The following DNAH14 variants were observed in gnomAD, a reference collection of about 807,000 sequenced individuals.
DNAH14 encodes dynein axonemal heavy chain 14.
In DNAH14, 478 loss-of-function variants were observed where a neutral mutation model predicts 520.9. The ratio of observed to expected loss-of-function variants is 0.92; its 90% confidence interval spans 0.85 to 0.99. The LOEUF is 0.99. DNAH14 is among the 50% of genes least tolerant of loss of function. DNAH14 has a pLI of 0.00. For missense variants in DNAH14, 4,831 were observed against 5,234.5 expected (o/e 0.92, Z 2.38); for synonymous variants, 1,581 against 1,757.2 (o/e 0.90, Z 2.51).
intron 17 of DNAH14, among the ~76,000 whole-genome samples, chr1:225,074,393 C>T (rs1041650978): frequency 3.9e-5 from 6 of 152,226 alleles, no homozygotes; most frequent in Non-Finnish European, 8.8e-5. Flanking sequence ...TGAGGAGGAA[C>T]AGATACGGGA....
intron 75 of DNAH14, among the ~76,000 whole-genome samples, chr1:225,362,632 A>T (rs996577612): frequency 6.6e-5 from 10 of 152,002 alleles, no homozygotes; most frequent in African/African-American, 1.7e-4. Context: ...AACTAAAACC[A>T]TAGTGATCTA....
intron 8 of DNAH14, among the ~76,000 whole-genome samples, chr1:224,977,700 C>T (rs945013282): frequency 1.3e-5 from 2 of 152,142 alleles, no homozygotes; most frequent in African/African-American, 2.4e-5. Flanking sequence ...GCTGTATCTG[C>T]GCAGCAAAGG....
At position 225,335,379 on chromosome 1, in the gene DNAH14, A is replaced by ACATATACACGTGTGTACATGTGTGTG. The variant is rs1558428129; in HGVS notation, c.10080+1873_10080+1874insCATATACACGTGTGTACATGTGTGTG. 3.6e-4 allele frequency among the ~76,000 whole-genome samples: 16 copies of ACATATACACGTGTGTACATGTGTGTG among 44,514 alleles called. 2 individuals carry two copies. In the East Asian group the frequency reaches 5.1e-3, roughly 14 times the overall value. 29.2% of individuals were successfully genotyped at this position (44,514 alleles called of 152,430 possible). ...CATATACACGTGTACATGTGTGTGT[A>ACATATACACGTGTGTACATGTGTGTG]TATGCACATATACACATGTGTACAT... On this transcript the variant is annotated intron_variant, in intron 66 of 85. Coordinates refer to ENST00000682510, the MANE Select transcript of DNAH14 (RefSeq NM_001367479.1).
intron 66 of DNAH14, among the ~76,000 whole-genome samples, chr1:225,335,096 T>A (rs1279123048): frequency 2.0e-5 from 3 of 148,844 alleles, no homozygotes; most frequent in African/African-American, 7.4e-5. Flanking sequence ...CATATATACA[T>A]ATATGTATAT....
intron 17 of DNAH14, among the ~76,000 whole-genome samples, chr1:225,072,674 C>T (rs2071689335): frequency 6.6e-6 from 1 of 152,190 alleles, no homozygotes; most frequent in Non-Finnish European, 1.5e-5. Context: ...TCTTTGTGTG[C>T]TTATCTACAT....
chr1:225,354,017 A>C, intron 73 of DNAH14, 129 bp downstream of exon 73: 2 of 667,270 alleles, frequency 3.0e-6, no homozygotes, highest in Non-Finnish European at 5.4e-6. Flanking sequence ...GAACGTTAAT[A>C]GGAGAGGGAA....
chr1:225,317,574 A>G (rs756556704), intron 60 of DNAH14, among the ~76,000 whole-genome samples: 1 of 152,174 alleles, frequency 6.6e-6, no homozygotes, highest in African/African-American at 2.4e-5. Context: ...GTATTTCTTT[A>G]AAACCCAGGA....
At chr1:225,392,659 T>C (rs2095935364) in intron 84 of DNAH14, among the ~76,000 whole-genome samples, 1 of 152,180 alleles carries the variant, frequency 6.6e-6, no homozygotes, top group Admixed American at 6.5e-5. Flanking sequence ...AGATCATAAA[T>C]CATGAATAAA....
At chr1:225,306,488 C>T (rs2094244538) in intron 58 of DNAH14, among the ~76,000 whole-genome samples, 1 of 152,168 alleles carries the variant, frequency 6.6e-6, no homozygotes, top group African/African-American at 2.4e-5. Context: ...AGATGCCCTA[C>T]AGGCAAGCGT....
chr1:225,145,676 T>C (rs147754538), intron 30 of DNAH14, among the ~76,000 whole-genome samples: 1 of 152,324 alleles, frequency 6.6e-6, no homozygotes, highest in African/African-American at 2.4e-5. Context: ...AACATGAATA[T>C]ATAAAACAAT....
At chr1:225,325,158 T>C (rs1023173281) in intron 64 of DNAH14, among the ~76,000 whole-genome samples, 4 of 74,928 alleles carry the variant, frequency 5.3e-5, no homozygotes, top group Non-Finnish European at 1.1e-4. Context: ...ATCTGTGCTC[T>C]TTTTTTTTTT....
Position 225,050,318 on chromosome 1 carries a change from A to T in DNAH14, c.2021A>T (p.Gln674Leu). The part of the protein sequence containing the change: ...KTGSIIHYKE[Q>L]TRWPDCHILF... ...GGAAGCATAATACATTATAAAGAGC[A>T]GACCAGATGGCCAGATTGTCACATC... The change falls in exon 16 of 86, where the codon CAG becomes CTG. Residue 674 changes from glutamine (Q) to leucine (L), a missense_variant. By Grantham distance (113) the Gln-to-Leu change is moderately radical (BLOSUM62 -2). Transcript: ENST00000682510. 6.5e-7 allele frequency: 1 copy of T among 1,548,760 alleles called. No homozygotes were observed. The highest frequency in any genetic ancestry group is 8.7e-7 in the Non-Finnish European group (1 of 1,146,078).
chr1:225,245,893 CA>C (rs777356480), intron 43 of DNAH14, among the ~76,000 whole-genome samples: 2 of 151,772 alleles, frequency 1.3e-5, no homozygotes, highest in African/African-American at 4.8e-5. Context: ...CATATGGAAC[CA>C]AAAAAGAACC....
chr1:225,204,316 C>G, intron 39 of DNAH14, 43 bp downstream of exon 39: 1 of 1,160,626 alleles, frequency 8.6e-7, no homozygotes, highest in Non-Finnish European at 1.2e-6. Flanking sequence ...ATATAGAAGA[C>G]AAACTCTCAA....
intron 11 of DNAH14, among the ~76,000 whole-genome samples, chr1:225,036,230 G>C (rs1282247954): frequency 6.6e-6 from 1 of 152,164 alleles, no homozygotes; most frequent in Non-Finnish European, 1.5e-5. Context: ...CCGCCTCCCA[G>C]GTTCACGCAA....
At chr1:225,263,207 C>CACATATATATACATGTATATAT (rs1431647101) in intron 46 of DNAH14, among the ~76,000 whole-genome samples, 3 of 150,138 alleles carry the variant, frequency 2.0e-5, no homozygotes, top group Admixed American at 6.6e-5. Context: ...TATATACACA[C>CACATATATATACATGTATATAT]ACATATATAT....
At chr1:225,289,101 A>G (rs924118433) in intron 54 of DNAH14, among the ~76,000 whole-genome samples, 19 of 152,184 alleles carry the variant, frequency 1.2e-4, no homozygotes, top group African/African-American at 4.1e-4. Context: ...TGTCCATACA[A>G]TAGAATACCA....
At chr1:225,101,966 T>C (rs1350755111) in intron 23 of DNAH14, among the ~76,000 whole-genome samples, 4 of 151,838 alleles carry the variant, frequency 2.6e-5, no homozygotes, top group Admixed American at 6.6e-5. Flanking sequence ...TATGTATACA[T>C]GTGCCGTGTT....
intron 27 of DNAH14, among the ~76,000 whole-genome samples, chr1:225,128,835 T>G (rs890277463): frequency 5.3e-5 from 8 of 151,118 alleles, no homozygotes; most frequent in Admixed American, 3.3e-4. Context: ...GGCAGGAGAA[T>G]GAAATAAAGA....
Sources: gnomAD v4.1 joint callset for allele counts (sites outside exome capture counted in the v4.1 genomes callset) on GRCh38, gnomAD v4.1.1 for gene constraint, MANE v1.5 for transcripts, NCBI Gene and HGNC (gene_info 2026-07-23, HGNC 2026-07-21) for gene names.